SKAP1: variants seen among roughly 807,000 people sequenced by gnomAD.
The protein encoded by SKAP1 is src kinase associated phosphoprotein 1.
Under a neutral mutation model 58.5 loss-of-function variants are expected in SKAP1, and 44 were observed. That is an observed-to-expected ratio of 0.75 (90% CI 0.59 to 0.97). The LOEUF (loss-of-function observed/expected upper bound fraction) is 0.97. SKAP1 is among the 50% of genes least tolerant of loss of function. SKAP1 has a pLI of 0.00. For synonymous variants in SKAP1, 127 were observed against 149.7 expected, an observed-to-expected ratio of 0.85 and a Z score of 1.11; for missense variants, 390 against 435.2, an observed-to-expected ratio of 0.90 and a Z score of 0.92.
At chr17:48,318,350 G>A (rs1312231598) in intron 4 of SKAP1, among the ~76,000 whole-genome samples, 4 of 152,140 alleles carry the variant, frequency 2.6e-5, no homozygotes, top group Admixed American at 2.0e-4. Context: ...CCCAAAGCAG[G>A]AGGCTGGCTC....
At chr17:48,201,401 A>G (rs1440777937) in intron 4 of SKAP1, among the ~76,000 whole-genome samples, 2 of 145,276 alleles carry the variant, frequency 1.4e-5, no homozygotes, top group East Asian at 4.0e-4. Context: ...TTCTTTTTTG[A>G]GACAGGGTCT....
chr17:48,142,532 GC>G (rs765372558), intron 11 of SKAP1, among the ~76,000 whole-genome samples: 24 of 151,960 alleles, frequency 1.6e-4, no homozygotes, highest in Non-Finnish European at 3.2e-4. Context: ...AATGAAGGGG[GC>G]AGTGGGAATT....
chr17:48,178,740 C>T (rs117168534), intron 9 of SKAP1, among the ~76,000 whole-genome samples: 19 of 152,224 alleles, frequency 1.2e-4, no homozygotes, highest in Non-Finnish European at 2.4e-4. Context: ...ACTTCATTAA[C>T]GACGATGACT....
chr17:48,147,101 C>T (rs759734029), intron 11 of SKAP1, among the ~76,000 whole-genome samples: 12 of 152,110 alleles, frequency 7.9e-5, no homozygotes, highest in Non-Finnish European at 1.0e-4. Context: ...AACAAGATTC[C>T]CAGAAAATAT....
At chr17:48,381,278 AT>A (rs1210660627) in intron 2 of SKAP1, among the ~76,000 whole-genome samples, 2 of 152,078 alleles carry the variant, frequency 1.3e-5, no homozygotes, top group Admixed American at 1.3e-4. Context: ...CAAAACTCTT[AT>A]TTCCAGGAGT....
At chr17:48,324,284 AT>A (rs1464804281) in intron 4 of SKAP1, among the ~76,000 whole-genome samples, 1 of 152,078 alleles carries the variant, frequency 6.6e-6, no homozygotes, top group African/African-American at 2.4e-5. Flanking sequence ...TGACAACATG[AT>A]TTTTAATGGC....
At chr17:48,326,858 A>G (rs1221084436) in intron 4 of SKAP1, among the ~76,000 whole-genome samples, 4 of 151,520 alleles carry the variant, frequency 2.6e-5, no homozygotes, top group Admixed American at 6.6e-5. Context: ...AGTGTCGACC[A>G]CAAGGTGTGT....
Position 48,170,776 on chromosome 17 carries a change from T to G in SKAP1, c.827-117A>C, listed in dbSNP as rs543619068. 38 of 869,652 alleles carry G rather than the reference T, an allele frequency of 4.4e-5. No homozygotes were observed. The African/African-American group carries it at 5.9e-4, about 14-fold the overall frequency. The allele number at this position is 869,652 out of a possible 1,614,324, so 53.9% of individuals were successfully genotyped here. On this transcript the variant is annotated intron_variant, in intron 9 of 12. Coordinates refer to ENST00000336915, the MANE Select transcript of SKAP1 (RefSeq NM_003726.4). The stretch of plus-strand genomic sequence containing the variant: ...CTAGGCTGAAGTGCAGTGGAACGAT[T>G]TTCGGTTCACTGCAAATTCCACGTC...
intron 1 of SKAP1, among the ~76,000 whole-genome samples, chr17:48,423,795 T>TA (rs1428067954): frequency 1.3e-5 from 2 of 152,094 alleles, no homozygotes; most frequent in Non-Finnish European, 2.9e-5. Context: ...CTCACTACAT[T>TA]ACCCAGGCTG....
chr17:48,426,296 G>A (rs2067853023), intron 1 of SKAP1, among the ~76,000 whole-genome samples: 1 of 152,214 alleles, frequency 6.6e-6, no homozygotes, highest in Non-Finnish European at 1.5e-5. Flanking sequence ...CATGCAGCCA[G>A]GTTGTTAATG....
intron 4 of SKAP1, among the ~76,000 whole-genome samples, chr17:48,213,129 G>A (rs1474200335): frequency 1.3e-5 from 2 of 152,058 alleles, no homozygotes; most frequent in African/African-American, 2.4e-5. Flanking sequence ...ATCACCTGAG[G>A]TCAGGAGCTC....
At chr17:48,204,978 TTTC>T (rs752421147) in intron 4 of SKAP1, among the ~76,000 whole-genome samples, 4,455 of 42,930 alleles carry the variant, frequency 0.1, 154 homozygotes, top group African/African-American at 0.19. Context: ...TTTTCTTTTC[TTTC>T]TTTCTTTCTT....
intron 4 of SKAP1, among the ~76,000 whole-genome samples, chr17:48,220,852 C>CAAAAAAAAAAAAAAAAAAAAAA (rs56006389): frequency 1.3e-4 from 11 of 83,628 alleles, no homozygotes; most frequent in African/African-American, 2.2e-4. Context: ...GACTCCATCT[C>CAAAAAAAAAAAAAAAAAAAAAA]AAAAAAAAAA....
At chr17:48,371,158 T>C (rs1475884944) in intron 2 of SKAP1, among the ~76,000 whole-genome samples, 1 of 151,432 alleles carries the variant, frequency 6.6e-6, no homozygotes, top group Non-Finnish European at 1.5e-5. Context: ...GGGGTAGGAG[T>C]TGAAAAATTA....
intron 4 of SKAP1, among the ~76,000 whole-genome samples, chr17:48,320,589 GA>G (rs1052644141): frequency 6.6e-6 from 1 of 152,082 alleles, no homozygotes; most frequent in South Asian, 2.1e-4. Flanking sequence ...CAATCAGAGA[GA>G]AAAAAATCAT....
At chr17:48,202,511 G>A (rs2064741230) in intron 4 of SKAP1, among the ~76,000 whole-genome samples, 1 of 151,978 alleles carries the variant, frequency 6.6e-6, no homozygotes, top group Non-Finnish European at 1.5e-5. Context: ...TCACCTTTAA[G>A]GCAAAAATCA....
chr17:48,156,128 G>A (rs11079811), intron 11 of SKAP1, among the ~76,000 whole-genome samples: 34,387 of 152,120 alleles, frequency 0.23, 4,173 homozygotes, highest in South Asian at 0.33. Flanking sequence ...AGCAGCCGGC[G>A]TGTATTTCAA....
chr17:48,269,682 A>C (rs987251919), intron 4 of SKAP1, among the ~76,000 whole-genome samples: 5 of 152,242 alleles, frequency 3.3e-5, no homozygotes, highest in African/African-American at 1.2e-4. Flanking sequence ...AAAATTAATT[A>C]GCTTAGCTTC....
At chr17:48,207,730 G>A (rs2064826969) in intron 4 of SKAP1, among the ~76,000 whole-genome samples, 1 of 152,150 alleles carries the variant, frequency 6.6e-6, no homozygotes, top group South Asian at 2.1e-4. Context: ...TAAAAGGTAT[G>A]GAATCCCATT....
Sources: gnomAD v4.1 joint callset for allele counts (sites outside exome capture counted in the v4.1 genomes callset) on GRCh38, gnomAD v4.1.1 for gene constraint, MANE v1.5 for transcripts, NCBI Gene and HGNC (gene_info 2026-07-23, HGNC 2026-07-21) for gene names.